Variants in BBS2 observed in about 807,000 individuals in gnomAD.
BBS2 encodes the protein BBSome complex member BBS2.
Under a neutral mutation model 83.0 loss-of-function variants are expected in BBS2, and 62 were observed. The observed-to-expected ratio is 0.75, with a 90% confidence interval of 0.61 to 0.92. The LOEUF is 0.92. Ranked by LOEUF, BBS2 falls within the 40% of genes least tolerant of loss-of-function variation. The pLI is 0.00. For missense variants in BBS2, 784 were observed against 901.0 expected (o/e 0.87, Z 1.66); for synonymous variants, 303 against 326.1 (o/e 0.93, Z 0.76).
chr16:56,501,829 A>T (rs1597016091), intron 9 of BBS2: 1 of 383,804 alleles, frequency 2.6e-6, no homozygotes, highest in East Asian at 6.0e-5. Context: ...ATTACAGGAC[A>T]AATTAAAGGA....
At chr16:56,482,387 A>G (rs1963677136), downstream of BBS2, among the ~76,000 whole-genome samples, 1 of 151,882 alleles carries the variant, frequency 6.6e-6, no homozygotes, top group South Asian at 2.1e-4. Flanking sequence ...TGTTTTGGAG[A>G]TGGAGTCTCC....
chr16:56,475,018 T>C (rs112346218), intron 17 of BBS2: 13 of 1,527,734 alleles, frequency 8.5e-6, no homozygotes, highest in African/African-American at 4.1e-5. Flanking sequence ...GAGGGACCCT[T>C]TCCAGCTGAA....
At chr16:56,504,725 T>C (rs1964377531) in intron 7 of BBS2, among the ~76,000 whole-genome samples, 2 of 152,200 alleles carry the variant, frequency 1.3e-5, no homozygotes, top group Admixed American at 1.3e-4. Flanking sequence ...CCTGACAAGT[T>C]TTCAAGTCTA....
intron 12 of BBS2, 63 bp downstream of exon 12, chr16:56,499,715 T>A: frequency 6.2e-7 from 1 of 1,604,812 alleles, no homozygotes; most frequent in Non-Finnish European, 8.5e-7. Context: ...TCCCTTTCTA[T>A]GAAATAACAT....
At chr16:56,513,643 A>T (rs747043914) in intron 2 of BBS2, among the ~76,000 whole-genome samples, 26 of 152,254 alleles carry the variant, frequency 1.7e-4, no homozygotes, top group Non-Finnish European at 3.2e-4. Flanking sequence ...TAGAATATGC[A>T]AACTTCTAGA....
chr16:56,508,483 A>G (rs2056782712), intron 5 of BBS2, among the ~76,000 whole-genome samples: 1 of 152,162 alleles, frequency 6.6e-6, no homozygotes, highest in Admixed American at 6.5e-5. Flanking sequence ...TTAATTAAGA[A>G]TATCTTATTT....
chr16:56,474,317 C>CTTTTTT (rs770427579), intron 17 of BBS2, among the ~76,000 whole-genome samples: 3 of 130,076 alleles, frequency 2.3e-5, no homozygotes, highest in African/African-American at 5.7e-5. Context: ...CAAAATTCAA[C>CTTTTTT]TTTTTTTTTT....
intron 7 of BBS2, among the ~76,000 whole-genome samples, chr16:56,504,163 G>A (rs1203033161): frequency 6.6e-6 from 1 of 152,106 alleles, no homozygotes; most frequent in Non-Finnish European, 1.5e-5. Context: ...ATAACATCAT[G>A]GAAGCCTGAA....
chr16:56,484,636 C>T lies in BBS2; in HGVS notation c.*125G>A. 1 of 764,122 alleles carries T rather than the reference C, an allele frequency of 1.3e-6. No individual in the cohort carries two copies. Among genetic ancestry groups the T allele is most frequent in the Non-Finnish European group, 2.3e-6 (1 of 438,304 alleles). The allele number at this position is 764,122 out of a possible 1,614,324, so 47.3% of individuals were successfully genotyped here. ...TGTAGTTCTTTGTCTTTAATTTGTACAACTCACCAAGGTTATTTTCATTCT... is the reference window on the plus strand; with the variant it reads ...TGTAGTTCTTTGTCTTTAATTTGTATAACTCACCAAGGTTATTTTCATTCT... On this transcript the variant is annotated 3_prime_UTR_variant, in exon 17 of 17. Coordinates refer to ENST00000245157, the MANE Select transcript of BBS2 (RefSeq NM_031885.5).
chr16:56,492,590 C>T (rs1239288502), intron 15 of BBS2, among the ~76,000 whole-genome samples: 1 of 152,078 alleles, frequency 6.6e-6, no homozygotes, highest in Non-Finnish European at 1.5e-5. Flanking sequence ...CACCTATAGT[C>T]AACGATAATG....
chr16:56,516,656 G>A (rs1404648048), intron 1 of BBS2, among the ~76,000 whole-genome samples: 1 of 152,096 alleles, frequency 6.6e-6, no homozygotes, highest in Non-Finnish European at 1.5e-5. Context: ...GCCTCCCAAA[G>A]TACTGGGATT....
intron 15 of BBS2, among the ~76,000 whole-genome samples, chr16:56,490,559 T>A (rs1963921009): frequency 6.6e-6 from 1 of 151,584 alleles, no homozygotes; most frequent in South Asian, 2.1e-4. Context: ...GAGAATCACT[T>A]GAATCTGGGA....
chr16:56,475,407 GATCCCCCACTGTTAAGCAGC>G, intron 17 of BBS2: 1 of 1,069,074 alleles, frequency 9.4e-7, no homozygotes, highest in Non-Finnish European at 1.5e-6. Flanking sequence ...TGAACTCCCA[GATCCCCCACTGTTAAGCAGC>G]ATGGGATCAG....
chr16:56,481,525 T>C (rs1215802580), downstream of BBS2, among the ~76,000 whole-genome samples: 1 of 152,202 alleles, frequency 6.6e-6, no homozygotes, highest in Non-Finnish European at 1.5e-5. Flanking sequence ...ACCTGAATTA[T>C]GGTACTGAAA....
At chr16:56,503,277 G>T (rs1345998324) in intron 7 of BBS2, among the ~76,000 whole-genome samples, 3 of 152,188 alleles carry the variant, frequency 2.0e-5, no homozygotes, top group Admixed American at 2.0e-4. Flanking sequence ...ATATCCCATT[G>T]GGTATAACTG....
At chr16:56,488,589 C>G (rs770873711) in intron 15 of BBS2, among the ~76,000 whole-genome samples, 22 of 150,788 alleles carry the variant, frequency 1.5e-4, no homozygotes, top group Middle Eastern at 3.4e-3. Context: ...TCAGGAAACT[C>G]TGTGTGTTCA....
At chr16:56,475,611 T>A in intron 17 of BBS2, 1 of 1,568,152 alleles carries the variant, frequency 6.4e-7, no homozygotes. Flanking sequence ...TTATTGAGAA[T>A]GCTTTCATTT....
intron 7 of BBS2, among the ~76,000 whole-genome samples, chr16:56,503,802 C>A (rs1012081711): frequency 6.6e-6 from 1 of 151,978 alleles, no homozygotes; most frequent in African/African-American, 2.4e-5. Context: ...ACCTGTAGTC[C>A]CAGCTACTAG....
chr16:56,516,525 T>G (rs577998167), intron 1 of BBS2, among the ~76,000 whole-genome samples: 6 of 152,166 alleles, frequency 3.9e-5, no homozygotes, highest in African/African-American at 1.4e-4. Flanking sequence ...GCCTCCCGAG[T>G]AGCTGGGATT....
Sources: gnomAD v4.1 joint callset for allele counts (sites outside exome capture counted in the v4.1 genomes callset) on GRCh38, gnomAD v4.1.1 for gene constraint, MANE v1.5 for transcripts, NCBI Gene and HGNC (gene_info 2026-07-23, HGNC 2026-07-21) for gene names.